Variants in PAQR8 observed in about 807,000 individuals in gnomAD.
PAQR8 encodes the protein membrane progestin receptor beta.
In PAQR8, 17 loss-of-function variants were observed where a neutral mutation model predicts 25.2. The observed-to-expected ratio is 0.67, with a 90% confidence interval of 0.46 to 1.01. PAQR8 has a LOEUF of 1.01. Among genes scored for constraint, PAQR8 ranks in the 50% least tolerant of loss-of-function variants. The pLI is 0.00. For missense variants in PAQR8, 392 were observed against 448.4 expected, an observed-to-expected ratio of 0.87 and a Z score of 1.14; for synonymous variants, 204 against 190.6, an observed-to-expected ratio of 1.07 and a Z score of -0.58.
intron 1 of PAQR8, among the ~76,000 whole-genome samples, chr6:52,383,535 C>T (rs1053358450): frequency 6.6e-6 from 1 of 151,658 alleles, no homozygotes; most frequent in African/African-American, 2.4e-5. Flanking sequence ...GTGGCGGGCG[C>T]CTGTAGTCCC....
At chr6:52,389,593 T>G (rs1010703100) in intron 1 of PAQR8, among the ~76,000 whole-genome samples, 56 of 152,300 alleles carry the variant, frequency 3.7e-4, no homozygotes, top group African/African-American at 1.2e-3. Context: ...CTTGGAGATA[T>G]CTAAGGAGAA....
In PAQR8 at chr6:52,390,605, G is replaced by A. The variant is rs73740363; in HGVS notation, c.-52-12557G>A. On this transcript the variant is annotated intron_variant, in intron 1 of 1. Coordinates refer to ENST00000442253, the MANE Select transcript of PAQR8 (RefSeq NM_133367.5). ...AGGAAGTGACTCACGTATTAATGCCGTTTGAGTTTGTGTGCTGTGGGGAAG... is the reference window on the plus strand; with the variant it reads ...AGGAAGTGACTCACGTATTAATGCCATTTGAGTTTGTGTGCTGTGGGGAAG... 1.9e-3 allele frequency among the ~76,000 whole-genome samples: 282 copies of A among 152,248 alleles called. 2 individuals are homozygous for A. Among genetic ancestry groups the A allele is most frequent in the African/African-American group, 6.2e-3 (258 of 41,536 alleles).
chr6:52,403,732 C>A lies in PAQR8; in HGVS notation c.519C>A (p.Asp173Glu), dbSNP rs1310143521. The A allele has an allele frequency of 1.2e-6, 2 of 1,614,130 alleles. No homozygotes were observed. The highest frequency in any genetic ancestry group is 1.3e-5 in the African/African-American group (1 of 74,942). ...FFYSSDQAWY[D>E]RFWLFFLPAA... ...ACAGCTCTGACCAGGCCTGGTATGA[C>A]CGGTTCTGGCTTTTCTTCTTGCCAG... The change falls in exon 2 of 2, where the codon GAC becomes GAA. Residue 173 changes from aspartate (D) to glutamate (E), a missense_variant. Coordinates refer to ENST00000442253, the MANE Select transcript of PAQR8 (RefSeq NM_133367.5).
intron 1 of PAQR8, among the ~76,000 whole-genome samples, chr6:52,381,722 A>G (rs903074373): frequency 6.6e-6 from 1 of 152,256 alleles, no homozygotes; most frequent in Non-Finnish European, 1.5e-5. Context: ...TTATAAAATT[A>G]CTGGCATAAA....
At chr6:52,391,892 A>T (rs71570579) in intron 1 of PAQR8, among the ~76,000 whole-genome samples, 1 of 152,346 alleles carries the variant, frequency 6.6e-6, no homozygotes, top group Non-Finnish European at 1.5e-5. Flanking sequence ...AGTCCCACAC[A>T]CAGTGACATG....
intron 1 of PAQR8, among the ~76,000 whole-genome samples, chr6:52,398,392 G>A (rs9382105): frequency 0.046 from 7,020 of 151,772 alleles, 213 homozygotes; most frequent in South Asian, 0.087. Context: ...ATTTTTAGTA[G>A]TGACGGGGTT....
In PAQR8 at chr6:52,371,914, G is replaced by A. The variant is rs77366138; in HGVS notation, c.-53+9665G>A. On this transcript the variant is annotated intron_variant, in intron 1 of 1. Coordinates refer to ENST00000442253, the MANE Select transcript of PAQR8 (RefSeq NM_133367.5). ...CTTGTTTGTGTGGGGGCATGAAATC[G>A]TGTTTGGAAATGCTGGTTTAATTAA... Among the ~76,000 whole-genome samples the A allele has an allele frequency of 1.6e-3, 251 of 152,302 alleles. 2 individuals carry two copies. The highest frequency in any genetic ancestry group is 5.4e-3 in the African/African-American group (225 of 41,564).
intron 1 of PAQR8, among the ~76,000 whole-genome samples, chr6:52,383,594 GA>G (rs1199438804): frequency 3.4e-5 from 5 of 149,118 alleles, no homozygotes; most frequent in Middle Eastern, 3.4e-3. Flanking sequence ...CCGGGAGGCG[GA>G]GCTTGCAGTG....
In PAQR8 at chr6:52,403,558, C is replaced by T. The variant is rs148145077; in HGVS notation, c.345C>T (p.Phe115=). ...ASTHSLPLLL[F]ILSSITYLTC... ...CCCACTCCCTGCCTCTGCTCCTCTT[C>T]ATCCTGTCGTCAATCACTTACCTCA... is the stretch of plus-strand genomic sequence containing the variant. Residue 115 remains phenylalanine (F), a synonymous_variant, in exon 2 of 2, where the codon TTC becomes TTT. Transcript: ENST00000442253. 147 of 1,614,112 alleles carry T rather than the reference C, an allele frequency of 9.1e-5. No individual in the cohort carries two copies. Among genetic ancestry groups the T allele is most frequent in the Non-Finnish European group, 1.2e-4 (136 of 1,180,048 alleles).
At chr6:52,390,632 T>C (rs1295408580) in intron 1 of PAQR8, among the ~76,000 whole-genome samples, 2 of 152,124 alleles carry the variant, frequency 1.3e-5, no homozygotes, top group African/African-American at 4.8e-5. Context: ...GTGGGGAAGG[T>C]CTTTTGACAA....
intron 1 of PAQR8, among the ~76,000 whole-genome samples, chr6:52,380,083 A>G (rs1448092651): frequency 6.6e-6 from 1 of 152,218 alleles, no homozygotes; most frequent in Non-Finnish European, 1.5e-5. Context: ...AAGTGTGAGC[A>G]GAAAATAACA....
intron 1 of PAQR8, among the ~76,000 whole-genome samples, chr6:52,379,777 C>T (rs1337785518): frequency 6.6e-6 from 1 of 152,166 alleles, no homozygotes; most frequent in Non-Finnish European, 1.5e-5. Context: ...TAGGCGCCTG[C>T]TACCGCGCCC....
At chr6:52,385,989 C>T (rs1023297728) in intron 1 of PAQR8, among the ~76,000 whole-genome samples, 1 of 152,100 alleles carries the variant, frequency 6.6e-6, no homozygotes, top group Non-Finnish European at 1.5e-5. Flanking sequence ...CTATAAGGAA[C>T]TTTAAATCAC....
intron 1 of PAQR8, among the ~76,000 whole-genome samples, chr6:52,398,396 C>T (rs1027493970): frequency 4.0e-5 from 6 of 151,510 alleles, no homozygotes; most frequent in South Asian, 4.2e-4. Context: ...TTAGTAGTGA[C>T]GGGGTTTCAC....
At chr6:52,373,892 TC>T (rs746906341) in intron 1 of PAQR8, among the ~76,000 whole-genome samples, 11 of 152,184 alleles carry the variant, frequency 7.2e-5, no homozygotes, top group Non-Finnish European at 1.3e-4. Context: ...AATCTCATGT[TC>T]AGTTATAATC....
chr6:52,387,184 C>A (rs1157469669), intron 1 of PAQR8, among the ~76,000 whole-genome samples: 2 of 152,150 alleles, frequency 1.3e-5, no homozygotes, highest in East Asian at 1.9e-4. Context: ...AGGAAAGAGC[C>A]CTGATGGGAT....
chr6:52,374,534 C>T (rs1763459617), intron 1 of PAQR8, among the ~76,000 whole-genome samples: 1 of 152,126 alleles, frequency 6.6e-6, no homozygotes, highest in South Asian at 2.1e-4. Context: ...TTGTTTCAGC[C>T]TTGTTATTAG....
rs552936134 is a variant in PAQR8, at chr6:52,389,590, A to T, written c.-52-13572A>T. Among the ~76,000 whole-genome samples the T allele has an allele frequency of 2.0e-5, 3 of 152,356 alleles. No homozygotes were observed. The East Asian group carries it at 5.8e-4, about 29-fold the overall frequency. On this transcript the variant is annotated intron_variant, in intron 1 of 1. Transcript: ENST00000442253. ...TTGGAATTGAACTAAGGCCTTGGAG[A>T]TATCTAAGGAGAAATGAAGAATAAA... is the stretch of plus-strand genomic sequence containing the variant.
intron 1 of PAQR8, among the ~76,000 whole-genome samples, chr6:52,388,577 C>T (rs1349362663): frequency 6.6e-6 from 1 of 152,114 alleles, no homozygotes; most frequent in African/African-American, 2.4e-5. Flanking sequence ...AGGAGAGCTC[C>T]CTTGCCTCTT....
Sources: gnomAD v4.1 joint callset for allele counts (sites outside exome capture counted in the v4.1 genomes callset) on GRCh38, gnomAD v4.1.1 for gene constraint, MANE v1.5 for transcripts, NCBI Gene and HGNC (gene_info 2026-07-23, HGNC 2026-07-21) for gene names.